Variants in PHF24 observed in about 807,000 individuals in gnomAD.
PHF24 encodes Galpha inhibitory interacting protein.
Under a neutral mutation model 42.6 loss-of-function variants are expected in PHF24, and 25 were observed. The observed-to-expected ratio is 0.59, with a 90% CI of 0.43 to 0.82. The LOEUF is 0.82. Among genes scored for constraint, PHF24 ranks in the 40% least tolerant of loss-of-function variants. The pLI, the probability that PHF24 is intolerant of heterozygous loss-of-function variation, is 0.00. For missense variants in PHF24, 470 were observed against 538.1 expected, an observed-to-expected ratio of 0.87 and a Z score of 1.25; for synonymous variants, 185 against 204.8, an observed-to-expected ratio of 0.90 and a Z score of 0.83.
chr9:34,828,688 G>T, the PHF24 span, among the ~76,000 whole-genome samples: 1 of 152,104 alleles, frequency 6.6e-6, no homozygotes, highest in Non-Finnish European at 1.5e-5. Context: ...TTGGCAACTG[G>T]TTATGCAGTT....
chr9:34,843,933 C>G, the PHF24 span, among the ~76,000 whole-genome samples: 11 of 151,978 alleles, frequency 7.2e-5, no homozygotes, highest in Non-Finnish European at 1.6e-4. Context: ...CTGTACTTTT[C>G]TTTTTGTTGG....
At chr9:34,711,958 G>GTTTC in the PHF24 span, among the ~76,000 whole-genome samples, 2 of 152,014 alleles carry the variant, frequency 1.3e-5, no homozygotes, top group Admixed American at 1.3e-4. Flanking sequence ...TTGTTTGTTT[G>GTTTC]TTTGTTTTTT....
the PHF24 span, among the ~76,000 whole-genome samples, chr9:34,806,586 G>A: frequency 6.6e-6 from 1 of 152,044 alleles, no homozygotes; most frequent in South Asian, 2.1e-4. Context: ...AGCCTCCTGA[G>A]TAGCCAGGAT....
chr9:34,976,189 A>G (rs367556133), exon 4 of PHF24: 5 of 1,614,148 alleles, frequency 3.1e-6, no homozygotes, highest in Non-Finnish European at 4.2e-6. Context: ...GAGGAAATGT[A>G]TAGCCTCACG....
chr9:34,759,842 C>T, the PHF24 span, among the ~76,000 whole-genome samples: 4 of 152,326 alleles, frequency 2.6e-5, no homozygotes, highest in African/African-American at 9.6e-5. Context: ...GTTCCTCTGC[C>T]TCAGAGCTCA....
intron 2 of PHF24, 61 bp downstream of exon 2, chr9:34,971,737 A>C (rs941188110): frequency 1.6e-5 from 25 of 1,518,600 alleles, no homozygotes; most frequent in Non-Finnish European, 1.9e-5. Context: ...AGGACAGGGA[A>C]GATGGATGTG....
chr9:34,877,836 A>G, the PHF24 span, among the ~76,000 whole-genome samples: 1 of 152,006 alleles, frequency 6.6e-6, no homozygotes, highest in Non-Finnish European at 1.5e-5. Flanking sequence ...TCAACCCATC[A>G]CCTACATTAG....
the PHF24 span, among the ~76,000 whole-genome samples, chr9:34,851,852 A>C: frequency 6.6e-6 from 1 of 152,212 alleles, no homozygotes; most frequent in East Asian, 1.9e-4. Context: ...CATAATTTAC[A>C]TCTTGTCTTT....
chr9:34,838,488 C>T, the PHF24 span: 1 of 1,343,078 alleles, frequency 7.4e-7, no homozygotes, highest in Non-Finnish European at 1.0e-6. Flanking sequence ...AAGTAGGGCT[C>T]AACATGGTCT....
the PHF24 span, chr9:34,895,668 C>T: frequency 7.4e-6 from 3 of 403,644 alleles, no homozygotes; most frequent in Non-Finnish European, 1.3e-5. Flanking sequence ...CAGATGGATC[C>T]ATAGGTGTAT....
At chr9:34,905,377 G>T in the PHF24 span, among the ~76,000 whole-genome samples, 1 of 152,158 alleles carries the variant, frequency 6.6e-6, no homozygotes, top group Non-Finnish European at 1.5e-5. Context: ...TAAAAGTGGT[G>T]TTCATTAAAA....
the PHF24 span, among the ~76,000 whole-genome samples, chr9:34,716,202 T>C: frequency 6.6e-6 from 1 of 152,166 alleles, no homozygotes; most frequent in Non-Finnish European, 1.5e-5. Context: ...GTGCAAAATG[T>C]GTGTGTCTAG....
the PHF24 span, among the ~76,000 whole-genome samples, chr9:34,863,759 A>G: frequency 6.6e-6 from 1 of 152,254 alleles, no homozygotes; most frequent in Non-Finnish European, 1.5e-5. Flanking sequence ...ACAAGCATCA[A>G]GGCCATCCAG....
At chr9:34,705,566 C>G in the PHF24 span, among the ~76,000 whole-genome samples, 1 of 152,216 alleles carries the variant, frequency 6.6e-6, no homozygotes, top group Non-Finnish European at 1.5e-5. Flanking sequence ...CAGGCGTAAG[C>G]CACTGCGCCT....
At chr9:34,892,237 G>A in the PHF24 span, among the ~76,000 whole-genome samples, 1 of 152,186 alleles carries the variant, frequency 6.6e-6, no homozygotes, top group Non-Finnish European at 1.5e-5. Context: ...TTTGTTCACA[G>A]TAATTTTTCT....
At chr9:34,946,855 T>A in the PHF24 span, among the ~76,000 whole-genome samples, 1 of 152,216 alleles carries the variant, frequency 6.6e-6, no homozygotes, top group Non-Finnish European at 1.5e-5. Flanking sequence ...CAGAAATTTG[T>A]AATTAATTTG....
chr9:34,927,708 T>A, the PHF24 span, among the ~76,000 whole-genome samples: 8 of 152,140 alleles, frequency 5.3e-5, no homozygotes, highest in Non-Finnish European at 1.2e-4. Context: ...GCTTCCTCGC[T>A]GCCCTCCTGG....
the PHF24 span, among the ~76,000 whole-genome samples, chr9:34,839,930 G>A: frequency 1.3e-5 from 2 of 152,204 alleles, no homozygotes; most frequent in Admixed American, 6.5e-5. Flanking sequence ...TTGTCTAAAA[G>A]TGCAGGTTAT....
the PHF24 span, among the ~76,000 whole-genome samples, chr9:34,897,379 G>T: frequency 6.6e-6 from 1 of 152,166 alleles, no homozygotes; most frequent in Non-Finnish European, 1.5e-5. Context: ...CCAACATTTT[G>T]CTGGGGAAGG....
Sources: gnomAD v4.1 joint callset for allele counts (sites outside exome capture counted in the v4.1 genomes callset) on GRCh38, gnomAD v4.1.1 for gene constraint, MANE v1.5 for transcripts, NCBI Gene and HGNC (gene_info 2026-07-23, HGNC 2026-07-21) for gene names.